Variants in RAB38 observed in about 807,000 individuals in gnomAD.
RAB38 encodes RAB38, member RAS oncogene family.
Under a neutral mutation model 18.4 loss-of-function variants are expected in RAB38, and 15 were observed. That is an observed-to-expected ratio of 0.82 (90% CI 0.55 to 1.26). The LOEUF is 1.26. Among genes scored for constraint, RAB38 ranks in the 50% most tolerant of loss-of-function variants. The pLI, the probability that RAB38 is intolerant of heterozygous loss-of-function variation, is 0.00. For synonymous variants in RAB38, 101 were observed against 104.4 expected (o/e 0.97, Z 0.20); for missense variants, 294 against 267.4 (o/e 1.10, Z -0.69).
chr11:87,895,252 C>T, the RAB38 span, among the ~76,000 whole-genome samples: 4 of 151,434 alleles, frequency 2.6e-5, no homozygotes, highest in Non-Finnish European at 4.4e-5. Context: ...GTGAGTCAAA[C>T]ACAGCACAGA....
chr11:88,017,438 T>G, the RAB38 span, among the ~76,000 whole-genome samples: 1 of 151,778 alleles, frequency 6.6e-6, no homozygotes, highest in African/African-American at 2.4e-5. Context: ...TATAATCCAC[T>G]TCTTCATTAT....
At chr11:87,934,051 C>T in the RAB38 span, among the ~76,000 whole-genome samples, 1 of 152,090 alleles carries the variant, frequency 6.6e-6, no homozygotes, top group Non-Finnish European at 1.5e-5. Flanking sequence ...TCCTTTCTTA[C>T]ACAGCCAATA....
chr11:87,952,386 T>C, the RAB38 span, among the ~76,000 whole-genome samples: 1 of 152,214 alleles, frequency 6.6e-6, no homozygotes, highest in East Asian at 1.9e-4. Flanking sequence ...AAAAATACCT[T>C]TTTGGAGTCA....
At chr11:87,949,712 CTTAATCCTGAGTTCTAGTTTG>C in the RAB38 span, among the ~76,000 whole-genome samples, 1 of 152,180 alleles carries the variant, frequency 6.6e-6, no homozygotes, top group African/African-American at 2.4e-5. Flanking sequence ...GAGTGAGTTT[CTTAATCCTGAGTTCTAGTTTG>C]ATTGCACTGT....
chr11:87,952,615 C>G, the RAB38 span, among the ~76,000 whole-genome samples: 1 of 152,172 alleles, frequency 6.6e-6, no homozygotes, highest in Non-Finnish European at 1.5e-5. Flanking sequence ...ACCCACAAAT[C>G]CAACATCACA....
At chr11:88,027,399 C>T in the RAB38 span, among the ~76,000 whole-genome samples, 602 of 152,170 alleles carry the variant, frequency 4.0e-3, 1 homozygote, top group African/African-American at 0.013. Flanking sequence ...GCACCGTGTG[C>T]GAGCCTAAGC....
chr11:88,079,604 C>T, the RAB38 span, among the ~76,000 whole-genome samples: 1 of 151,646 alleles, frequency 6.6e-6, no homozygotes, highest in South Asian at 2.1e-4. Flanking sequence ...GAAAAGAAAA[C>T]TATCTACTGA....
chr11:87,855,636 G>A, the RAB38 span, among the ~76,000 whole-genome samples: 1 of 152,020 alleles, frequency 6.6e-6, no homozygotes, highest in Non-Finnish European at 1.5e-5. Flanking sequence ...TTATTTTTAA[G>A]GATGATAAGA....
At chr11:87,841,431 C>T in the RAB38 span, among the ~76,000 whole-genome samples, 1 of 152,152 alleles carries the variant, frequency 6.6e-6, no homozygotes, top group Non-Finnish European at 1.5e-5. Flanking sequence ...TGGACTAATA[C>T]AATCAGCTAT....
chr11:87,889,565 GGTT>G, the RAB38 span, among the ~76,000 whole-genome samples: 10 of 151,864 alleles, frequency 6.6e-5, no homozygotes, highest in African/African-American at 2.4e-4. Context: ...CTATATGTGA[GGTT>G]GTTTACGTAT....
the RAB38 span, among the ~76,000 whole-genome samples, chr11:87,851,812 G>A: frequency 5.3e-5 from 8 of 152,116 alleles, no homozygotes; most frequent in Non-Finnish European, 7.4e-5. Flanking sequence ...ATTCACTGAA[G>A]TACCCTTGTA....
At chr11:88,056,697 G>C in the RAB38 span, among the ~76,000 whole-genome samples, 2 of 152,046 alleles carry the variant, frequency 1.3e-5, no homozygotes, top group Non-Finnish European at 2.9e-5. Flanking sequence ...CCAGCTACTC[G>C]GAAGGCTGAG....
chr11:87,977,303 A>C, the RAB38 span, among the ~76,000 whole-genome samples: 2 of 131,818 alleles, frequency 1.5e-5, no homozygotes, highest in African/African-American at 5.9e-5. Context: ...ATACAAGTAT[A>C]TTATAAAATA....
At chr11:87,871,280 C>G in the RAB38 span, among the ~76,000 whole-genome samples, 1 of 151,614 alleles carries the variant, frequency 6.6e-6, no homozygotes. Context: ...CAACCCCTCC[C>G]TACCGTCTGC....
downstream of RAB38, among the ~76,000 whole-genome samples, chr11:88,108,950 T>A (rs867290508): frequency 6.6e-5 from 10 of 152,350 alleles, no homozygotes; most frequent in South Asian, 2.1e-3. Context: ...TCTTTAAGAA[T>A]GTTGAGTATT....
the RAB38 span, among the ~76,000 whole-genome samples, chr11:87,810,860 C>T: frequency 6.6e-6 from 1 of 151,390 alleles, no homozygotes; most frequent in African/African-American, 2.4e-5. Context: ...TACATGTCTG[C>T]AGCAACTTCA....
At chr11:88,154,113 G>C (rs1020787525) in intron 1 of RAB38, among the ~76,000 whole-genome samples, 2 of 152,188 alleles carry the variant, frequency 1.3e-5, no homozygotes, top group African/African-American at 4.8e-5. Flanking sequence ...AGCATGCCAA[G>C]GGAAAGCACT....
chr11:88,073,393 T>G, the RAB38 span, among the ~76,000 whole-genome samples: 4 of 152,054 alleles, frequency 2.6e-5, no homozygotes, highest in African/African-American at 9.7e-5. Context: ...CCCCCTCTTT[T>G]GGAACTGGAG....
chr11:88,173,042 A>C (rs1943329409), intron 1 of RAB38, among the ~76,000 whole-genome samples: 1 of 152,178 alleles, frequency 6.6e-6, no homozygotes, highest in South Asian at 2.1e-4. Context: ...TACAGCCTCC[A>C]CTGCAACTTC....
Sources: gnomAD v4.1 joint callset for allele counts (sites outside exome capture counted in the v4.1 genomes callset) on GRCh38, gnomAD v4.1.1 for gene constraint, MANE v1.5 for transcripts, NCBI Gene and HGNC (gene_info 2026-07-23, HGNC 2026-07-21) for gene names.